PIK3C2G: variants seen among roughly 807,000 people sequenced by gnomAD.
The protein encoded by PIK3C2G is phosphatidylinositol 3-kinase C2 domain-containing subunit gamma.
A neutral mutation model predicts 181.1 loss-of-function variants in PIK3C2G; 168 were observed. The observed-to-expected ratio is 0.93, with a 90% CI of 0.82 to 1.05. PIK3C2G has a LOEUF of 1.05. Among genes scored for constraint, PIK3C2G ranks in the 50% least tolerant of loss-of-function variants. The probability of loss-of-function intolerance (pLI) is 0.00; values close to 1 mark genes in which losing one functional copy is unlikely to be tolerated. For synonymous variants in PIK3C2G, 573 were observed against 592.2 expected, an observed-to-expected ratio of 0.97 and a Z score of 0.47; for missense variants, 1,869 against 1,732.8, an observed-to-expected ratio of 1.08 and a Z score of -1.40.
chr12:18,542,201 T>C (rs1297164030), intron 25 of PIK3C2G, among the ~76,000 whole-genome samples: 1 of 151,830 alleles, frequency 6.6e-6, no homozygotes, highest in Non-Finnish European at 1.5e-5. Flanking sequence ...TATGGTGTGA[T>C]AAAGAAGAAA....
chr12:18,248,932 T>A (rs1177549983), intron 1 of PIK3C2G, among the ~76,000 whole-genome samples: 5 of 152,220 alleles, frequency 3.3e-5, no homozygotes, highest in African/African-American at 1.2e-4. Context: ...TTATGCATAT[T>A]TCTCTGACCC....
chr12:18,373,840 G>C (rs4764394), intron 13 of PIK3C2G, among the ~76,000 whole-genome samples: 1 of 151,274 alleles, frequency 6.6e-6, no homozygotes, highest in African/African-American at 2.4e-5. Flanking sequence ...GCGACAGAGC[G>C]AGACTCCGTC....
intron 18 of PIK3C2G, among the ~76,000 whole-genome samples, chr12:18,445,849 ATATT>A (rs1476533669): frequency 6.6e-6 from 1 of 152,182 alleles, no homozygotes; most frequent in Non-Finnish European, 1.5e-5. Flanking sequence ...CGTAAAAGAA[ATATT>A]TATTTACTTA....
At chr12:18,625,528 T>A (rs929837886) in intron 31 of PIK3C2G, among the ~76,000 whole-genome samples, 2 of 151,814 alleles carry the variant, frequency 1.3e-5, no homozygotes, top group African/African-American at 4.8e-5. Flanking sequence ...GATACATCCA[T>A]TGCGTCCTTT....
At chr12:18,268,503 T>G (rs1369360151) in intron 1 of PIK3C2G, among the ~76,000 whole-genome samples, 4 of 152,124 alleles carry the variant, frequency 2.6e-5, no homozygotes, top group Non-Finnish European at 5.9e-5. Flanking sequence ...TTTTCAAGTT[T>G]TTACAAAGTT....
chr12:18,688,121 A>G, the PIK3C2G span: 7 of 1,611,554 alleles, frequency 4.3e-6, no homozygotes, highest in Non-Finnish European at 5.9e-6. Flanking sequence ...CTGCTGCTTC[A>G]TTTGATCATT....
At chr12:18,403,709 C>G (rs903406092) in intron 16 of PIK3C2G, among the ~76,000 whole-genome samples, 1 of 152,018 alleles carries the variant, frequency 6.6e-6, no homozygotes, top group African/African-American at 2.4e-5. Flanking sequence ...ATTTAATTTA[C>G]CTAGGATGGG....
At chr12:18,545,156 G>C (rs11044176) in intron 25 of PIK3C2G, among the ~76,000 whole-genome samples, 24,505 of 151,648 alleles carry the variant, frequency 0.16, 2,168 homozygotes, top group South Asian at 0.25. Flanking sequence ...CCCATCTCTT[G>C]CTGCTCACCC....
intron 13 of PIK3C2G, 47 bp downstream of exon 13, chr12:18,371,358 A>T: frequency 6.7e-7 from 1 of 1,499,452 alleles, no homozygotes; most frequent in Middle Eastern, 1.8e-4. Flanking sequence ...TCAATAAAAC[A>T]TTCCTAGAAG....
chr12:18,252,295 T>A lies in PIK3C2G; in HGVS notation c.-79+4213T>A, dbSNP rs546740551. Among the ~76,000 whole-genome samples, 61 of 152,242 alleles carry A rather than the reference T, an allele frequency of 4.0e-4. 1 individual carries two copies. Among genetic ancestry groups the A allele is most frequent in the African/African-American group, 1.4e-3 (60 of 41,574 alleles). On this transcript the variant is annotated intron_variant, in intron 1 of 11. Transcript: ENST00000535651. ...GTAATCAAGCCCAATATTATCAAAT[T>A]GACGCAACAGTATATTCTCTGTCAG... is the stretch of plus-strand genomic sequence containing the variant.
rs114102916 is a variant in PIK3C2G, at chr12:18,551,783, A to G, written c.3590+5351A>G. On this transcript the variant is annotated intron_variant, in intron 26 of 32. Transcript: ENST00000538779. ...TCCCAGAAACCAATAGGGCTTGGCT[A>G]GTTTCTAGTGGAAACACACAGGCCT... is the stretch of plus-strand genomic sequence containing the variant. Among the ~76,000 whole-genome samples the G allele has an allele frequency of 7.8e-3, 1,188 of 152,254 alleles. 14 individuals carry two copies. The highest frequency in any genetic ancestry group is 0.027 in the African/African-American group (1,126 of 41,560).
chr12:18,295,425 A>C (rs1358853235), intron 5 of PIK3C2G, among the ~76,000 whole-genome samples: 1 of 152,040 alleles, frequency 6.6e-6, no homozygotes, highest in African/African-American at 2.4e-5. Context: ...AGAGCAAAAC[A>C]TTGTCAAATA....
intron 6 of PIK3C2G, among the ~76,000 whole-genome samples, chr12:18,315,156 A>G (rs1950805973): frequency 6.6e-6 from 1 of 152,118 alleles, no homozygotes; most frequent in South Asian, 2.1e-4. Context: ...TCTAGTATGA[A>G]GTGTTTCATC....
chr12:18,582,468 T>C (rs1356663701), intron 29 of PIK3C2G, among the ~76,000 whole-genome samples: 1 of 152,090 alleles, frequency 6.6e-6, no homozygotes, highest in Admixed American at 6.5e-5. Context: ...GAGCGGCCAC[T>C]AAGACACACG....
chr12:18,281,739 A>G (rs533218957), intron 1 of PIK3C2G, among the ~76,000 whole-genome samples: 5 of 152,262 alleles, frequency 3.3e-5, no homozygotes, highest in African/African-American at 1.2e-4. Flanking sequence ...TTGACTTTGA[A>G]TAGACTCATG....
downstream of PIK3C2G, among the ~76,000 whole-genome samples, chr12:18,650,347 A>ATATG (rs1349566559): frequency 1.9e-3 from 220 of 114,416 alleles, no homozygotes; most frequent in African/African-American, 3.1e-3. Context: ...ATATATATAT[A>ATATG]TGTGTGTGTG....
the PIK3C2G span, among the ~76,000 whole-genome samples, chr12:18,705,622 T>A: frequency 6.6e-6 from 1 of 152,150 alleles, no homozygotes; most frequent in Non-Finnish European, 1.5e-5. Context: ...TCCCAGCACT[T>A]TGGGAGGCTG....
intron 18 of PIK3C2G, among the ~76,000 whole-genome samples, chr12:18,451,531 T>C (rs929360012): frequency 4.6e-5 from 7 of 152,240 alleles, no homozygotes; most frequent in African/African-American, 1.4e-4. Flanking sequence ...CAGAGACAAT[T>C]TGACTTCCTC....
the PIK3C2G span, chr12:18,695,200 C>T: frequency 4.3e-6 from 4 of 936,350 alleles, no homozygotes; most frequent in Non-Finnish European, 6.6e-6. Context: ...GAGCAAGTAT[C>T]ATTAGCCTAA....
Sources: allele counts gnomAD v4.1 joint callset (sites outside exome capture counted in the v4.1 genomes callset), GRCh38; gene constraint gnomAD v4.1.1; transcripts MANE v1.5; gene names NCBI Gene and HGNC (gene_info 2026-07-23, HGNC 2026-07-21).